The following GOLGA8A variants were observed in gnomAD, a reference collection of about 807,000 sequenced individuals.
The protein encoded by GOLGA8A is golgin A8 family member A, also known as golgin subfamily A member 8A.
GOLGA8A carries 3 observed loss-of-function variants against 22.1 expected under a neutral mutation model. The ratio of observed to expected loss-of-function variants is 0.14; its 90% CI spans 0.06 to 0.35. The LOEUF (loss-of-function observed/expected upper bound fraction) is 0.35, where lower values mean the gene tolerates loss of function less well. Ranked by LOEUF, GOLGA8A falls within the 10% of genes least tolerant of loss-of-function variation. The probability of loss-of-function intolerance (pLI) is 1.00; values close to 1 mark genes in which losing one functional copy is unlikely to be tolerated. For synonymous variants in GOLGA8A, 7 were observed against 91.7 expected, an observed-to-expected ratio of 0.08 and a Z score of 5.28; for missense variants, 16 against 233.2, an observed-to-expected ratio of 0.07 and a Z score of 6.07.
chr15:34,424,387 A>C (rs545176200), intron 2 of GOLGA8A, among the ~76,000 whole-genome samples: 1 of 137,216 alleles, frequency 7.3e-6, no homozygotes, highest in African/African-American at 2.7e-5. Context: ...AAAGGCATAA[A>C]TAACAAAAAA....
Position 34,435,438 on chromosome 15 carries a change from C to A in GOLGA8A, c.-1178G>T, listed in dbSNP as rs1893458870. On this transcript the variant is annotated 5_prime_UTR_variant, in exon 2 of 25. Transcript: ENST00000359187. ...GGTTGGCAAACTGGATATTTATGCA[C>A]CTCCATTTCACAATCCATCTCCACC... 1 of 149,378 alleles carries A rather than the reference C, an allele frequency of 6.7e-6. No homozygotes were observed. The highest frequency in any genetic ancestry group is 6.8e-5 in the Admixed American group (1 of 14,812). The allele number at this position is 149,378 out of a possible 1,614,324, so 9.3% of individuals were successfully genotyped here.
At position 34,426,403 on chromosome 15, in the gene GOLGA8A, C is replaced by T. The variant is rs1892985740; in HGVS notation, c.-1123+8980G>A. ...AAGACAAGTAAAATACGTCCACAGA[C>T]AGAAAAAGAAAACGGGAGGAATCGC... On this transcript the variant is annotated intron_variant, in intron 2 of 24. Coordinates refer to ENST00000359187, the MANE Select transcript of GOLGA8A (RefSeq NM_181077.5). Among the ~76,000 whole-genome samples, 5 of 145,144 alleles carry T rather than the reference C, an allele frequency of 3.4e-5. 2 individuals are homozygous for T. The highest frequency in any genetic ancestry group is 7.6e-5 in the Non-Finnish European group (5 of 65,802).
intron 2 of GOLGA8A, among the ~76,000 whole-genome samples, chr15:34,428,227 A>G (rs1452335864): frequency 1.4e-5 from 2 of 146,920 alleles, no homozygotes; most frequent in Non-Finnish European, 3.0e-5. Flanking sequence ...CCAAGTAGCT[A>G]GGACCACACC....
chr15:34,425,471 T>A (rs1198199151), intron 2 of GOLGA8A, among the ~76,000 whole-genome samples: 1 of 144,512 alleles, frequency 6.9e-6, no homozygotes, highest in Non-Finnish European at 1.5e-5. Flanking sequence ...TGTAAAAAAA[T>A]CGAGACTATC....
chr15:34,432,651 T>C (rs1893310746), intron 2 of GOLGA8A, among the ~76,000 whole-genome samples: 1 of 149,384 alleles, frequency 6.7e-6, no homozygotes, highest in Non-Finnish European at 1.5e-5. Flanking sequence ...AATGTTGGAG[T>C]GTTTCCGTTT....
In GOLGA8A at chr15:34,418,169, T is replaced by TG. The variant is rs1459871939; in HGVS notation, c.-1122-10435_-1122-10434insC. The TG allele has an allele frequency of 5.2e-5, 6 of 115,850 alleles. 2 individuals are homozygous for TG. Among genetic ancestry groups the TG allele is most frequent in the Non-Finnish European group, 5.3e-5 (3 of 56,094 alleles). The allele number at this position is 115,850 out of a possible 1,614,324, so 7.2% of individuals were successfully genotyped here. A position where few individuals can be genotyped will look rare whatever the true frequency, so the allele number is the denominator to read the frequency against. On this transcript the variant is annotated intron_variant, in intron 2 of 24. Transcript: ENST00000359187. ...AAAAGGATTGCTTCATCTTTACTTCTAGGCTGCTGTAAAGATGTATAAGGT... is the reference window on the plus strand; with the variant it reads ...AAAAGGATTGCTTCATCTTTACTTCTGAGGCTGCTGTAAAGATGTATAAGGT...
chr15:34,426,066 G>T (rs1892970414), intron 2 of GOLGA8A, among the ~76,000 whole-genome samples: 1 of 147,380 alleles, frequency 6.8e-6, no homozygotes, highest in Admixed American at 7.0e-5. Context: ...CACTCTGAAT[G>T]CCCAAACCAT....
At position 34,436,193 on chromosome 15, in the gene GOLGA8A, C is replaced by A. The variant is rs1201739280; in HGVS notation, c.-1211-722G>T. The stretch of plus-strand genomic sequence containing the variant: ...AAAAGCCACCGGCAGGCTCCTGGCA[C>A]CTGCCAACCTGCACCTTAGGAAAAC... On this transcript the variant is annotated intron_variant, in intron 1 of 24. Transcript: ENST00000359187. 3.3e-5 allele frequency among the ~76,000 whole-genome samples: 5 copies of A among 149,428 alleles called. 1 individual carries two copies. The highest frequency in any genetic ancestry group is 6.7e-5 in the Admixed American group (1 of 14,850).
intron 2 of GOLGA8A, chr15:34,428,702 C>T (rs1361413337): frequency 6.8e-6 from 1 of 147,480 alleles, no homozygotes; most frequent in Non-Finnish European, 1.5e-5. Flanking sequence ...CAGCTCCCTC[C>T]ACCTGAAAGG....
At chr15:34,419,440 C>CT (rs1432922398) in intron 2 of GOLGA8A, 1 of 6,056 alleles carries the variant, frequency 1.7e-4, no homozygotes, top group Non-Finnish European at 2.6e-4. Context: ...TTCTTTCTTT[C>CT]TTTCTTTCTT....
rs1893229229 is a variant in GOLGA8A at position 34,431,312 on chromosome 15, CATATATATATATATATATATATATATA to C, written c.-1123+4044_-1123+4070del. Among the ~76,000 whole-genome samples the C allele has an allele frequency of 2.6e-3, 121 of 45,756 alleles. 9 individuals are homozygous for C. The highest frequency in any genetic ancestry group is 0.013 in the South Asian group (24 of 1,916). The allele number at this position is 45,756 out of a possible 152,430, so 30.0% of individuals were successfully genotyped here. A position where few individuals can be genotyped will look rare whatever the true frequency, so the allele number is the denominator to read the frequency against. ...AAAATTATATATATATATATATATA[CATATATATATATATATATATATATATA>C]TATATATCTCACACACACACACTCG... On this transcript the variant is annotated intron_variant, in intron 2 of 24. Transcript: ENST00000359187.
At chr15:34,434,075 C>T (rs969249625) in intron 2 of GOLGA8A, among the ~76,000 whole-genome samples, 1 of 149,008 alleles carries the variant, frequency 6.7e-6, no homozygotes, top group East Asian at 2.0e-4. Flanking sequence ...TTAGGATCTC[C>T]GGGATGGACA....
At position 34,418,781 on chromosome 15, in the gene GOLGA8A, G is replaced by C. The variant is rs988528704; in HGVS notation, c.-1122-11046C>G. On this transcript the variant is annotated intron_variant, in intron 2 of 24. Coordinates refer to ENST00000359187, the MANE Select transcript of GOLGA8A (RefSeq NM_181077.5). ...CAGGACGGCCTGTGCCCATGGTTCA[G>C]GTGAGAGCCGGGTGGGTGGCAGGGG... 2.0e-5 allele frequency: 3 copies of C among 147,226 alleles called. 1 individual carries two copies. The highest frequency in any genetic ancestry group is 1.4e-4 in the Admixed American group (2 of 14,302). 9.1% of individuals were successfully genotyped at this position (147,226 alleles called of 1,614,324 possible).
chr15:34,427,577 A>G (rs1175659268), intron 2 of GOLGA8A, among the ~76,000 whole-genome samples: 1 of 148,430 alleles, frequency 6.7e-6, no homozygotes, highest in Non-Finnish European at 1.5e-5. Context: ...GGGCCGCAGA[A>G]TTCAGCAGCT....
At chr15:34,437,368 G>C (rs1401014816) in intron 1 of GOLGA8A, 30 bp downstream of exon 1, 3 of 142,576 alleles carry the variant, frequency 2.1e-5, no homozygotes, top group Non-Finnish European at 4.7e-5. Context: ...CGCCGCCAGC[G>C]AGTCAGGCAG....
At chr15:34,428,971 G>C (rs1156765503) in intron 2 of GOLGA8A, 4 of 147,302 alleles carry the variant, frequency 2.7e-5, no homozygotes, top group African/African-American at 1.0e-4. Context: ...GGCATCAGCT[G>C]CCACCTCCTA....
chr15:34,419,902 G>T (rs1892726346), intron 2 of GOLGA8A: 2 of 136,172 alleles, frequency 1.5e-5, no homozygotes, highest in Non-Finnish European at 3.1e-5. Flanking sequence ...GTGGCACCTG[G>T]AGTCGTCAAA....
At chr15:34,429,452 G>C (rs1266451548) in intron 2 of GOLGA8A, among the ~76,000 whole-genome samples, 1 of 146,298 alleles carries the variant, frequency 6.8e-6, no homozygotes, top group Non-Finnish European at 1.5e-5. Flanking sequence ...CTGCCGAGAG[G>C]GCTCTTCTGG....
chr15:34,418,321 T>A (rs1892656736), intron 2 of GOLGA8A: 1 of 139,372 alleles, frequency 7.2e-6, no homozygotes, highest in African/African-American at 2.6e-5. Context: ...CAGTCCTGGG[T>A]ATAATTTTAG....
Sources: allele counts gnomAD v4.1 joint callset (sites outside exome capture counted in the v4.1 genomes callset), GRCh38; gene constraint gnomAD v4.1.1; transcripts MANE v1.5; gene names NCBI Gene and HGNC (gene_info 2026-07-23, HGNC 2026-07-21).